Variants in ITGA2 observed in about 807,000 individuals in gnomAD.
ITGA2 encodes the protein integrin subunit alpha 2.
Under a neutral mutation model 146.3 loss-of-function variants are expected in ITGA2, and 101 were observed. That is an observed-to-expected ratio of 0.69 (90% CI 0.59 to 0.81). ITGA2 has a LOEUF of 0.81. Among genes scored for constraint, ITGA2 ranks in the 40% least tolerant of loss-of-function variants. The pLI, the probability that ITGA2 is intolerant of heterozygous loss-of-function variation, is 0.00. For synonymous variants in ITGA2, 477 were observed against 487.1 expected, an observed-to-expected ratio of 0.98 and a Z score of 0.27; for missense variants, 1,281 against 1,402.7, an observed-to-expected ratio of 0.91 and a Z score of 1.39.
chr5:53,042,812 C>A (rs145175409), intron 3 of ITGA2, among the ~76,000 whole-genome samples: 237 of 151,882 alleles, frequency 1.6e-3, no homozygotes, highest in African/African-American at 5.5e-3. Flanking sequence ...AAAAGTCACT[C>A]AATTTGATCA....
At chr5:53,069,155 A>C (rs1745272851) in intron 16 of ITGA2, among the ~76,000 whole-genome samples, 1 of 151,888 alleles carries the variant, frequency 6.6e-6, no homozygotes, top group Non-Finnish European at 1.5e-5. Context: ...GAATAACCCC[A>C]AATAAGGCAA....
Position 53,060,685 on chromosome 5 carries a change from A to G in ITGA2, c.1313-216A>G, listed in dbSNP as rs572257802. Among the ~76,000 whole-genome samples the G allele has an allele frequency of 6.6e-5, 10 of 152,034 alleles. No homozygotes were observed. In the East Asian group the frequency reaches 7.8e-4, roughly 12 times the overall value. ...AATCTAGAGGCAGTTTTATAGGTAGAAGTCCCACCTGCAAAGGGAAGTGCT... is the reference window on the plus strand; with the variant it reads ...AATCTAGAGGCAGTTTTATAGGTAGGAGTCCCACCTGCAAAGGGAAGTGCT... On this transcript the variant is annotated intron_variant, in intron 11 of 29. Coordinates refer to ENST00000296585, the MANE Select transcript of ITGA2 (RefSeq NM_002203.4).
intron 2 of ITGA2, among the ~76,000 whole-genome samples, chr5:53,038,044 C>G (rs1743574090): frequency 6.6e-6 from 1 of 152,056 alleles, no homozygotes; most frequent in African/African-American, 2.4e-5. Context: ...GATGTTATGA[C>G]CCCTCCTGTG....
intron 1 of ITGA2, among the ~76,000 whole-genome samples, chr5:53,017,647 C>A (rs901380402): frequency 2.6e-5 from 4 of 152,204 alleles, no homozygotes; most frequent in African/African-American, 4.8e-5. Context: ...GTGGCAGCAA[C>A]CTGCTGGCGG....
intron 21 of ITGA2, 63 bp from the exon 22 acceptor site, chr5:53,074,998 T>G: frequency 9.3e-7 from 1 of 1,072,980 alleles, no homozygotes; most frequent in Admixed American, 1.8e-5. Context: ...AAACATTTTT[T>G]TTTTCACGTT....
At chr5:53,026,126 T>A (rs971602515) in intron 1 of ITGA2, among the ~76,000 whole-genome samples, 1 of 152,172 alleles carries the variant, frequency 6.6e-6, no homozygotes, top group African/African-American at 2.4e-5. Flanking sequence ...AATCCCTACA[T>A]TTTCATCCTC....
intron 7 of ITGA2, among the ~76,000 whole-genome samples, chr5:53,054,814 A>C (rs1403680008): frequency 6.6e-6 from 1 of 152,136 alleles, no homozygotes; most frequent in East Asian, 1.9e-4. Flanking sequence ...GAGGGATAAA[A>C]GACTACAAAT....
At chr5:53,003,731 G>A (rs1741694349) in intron 1 of ITGA2, among the ~76,000 whole-genome samples, 1 of 152,188 alleles carries the variant, frequency 6.6e-6, no homozygotes, top group Non-Finnish European at 1.5e-5. Flanking sequence ...GATGGGGAGT[G>A]TCAAAAGATT....
At position 53,065,926 on chromosome 5, in the gene ITGA2, A is replaced by T; in HGVS notation, c.1892A>T (p.Asp631Val). The T allele has an allele frequency of 6.2e-7, 1 of 1,612,118 alleles. No homozygotes were observed. The highest frequency in any genetic ancestry group is 8.5e-7 in the Non-Finnish European group (1 of 1,178,754). The change falls in exon 15 of 30, where the codon GAT becomes GTT. Residue 631 changes from aspartate to valine, a missense_variant. By Grantham distance (152) the Asp-to-Val change is radical (BLOSUM62 -3). This residue lies in a region of ITGA2 where 795 missense variants were observed against 841.7 expected (regional missense o/e 0.94). Transcript: ENST00000296585. Reference protein sequence around the residue: ...SLDGYGDLNGDSITDVSIGAF... With the variant: ...SLDGYGDLNGVSITDVSIGAF... ...GATGGCTATGGAGATTTAAATGGGG[A>T]TTCCATCACCGATGTGTCTATTGGT...
chr5:53,057,063 TTAAATAACCATTTAA>T (rs753176913), intron 9 of ITGA2, among the ~76,000 whole-genome samples: 95 of 152,038 alleles, frequency 6.2e-4, no homozygotes, highest in Middle Eastern at 3.4e-3. Context: ...TCAAAGTTGT[TTAAATAACCATTTAA>T]ATCCAGCATA....
intron 3 of ITGA2, among the ~76,000 whole-genome samples, chr5:53,043,178 A>C (rs933356545): frequency 3.9e-5 from 6 of 151,916 alleles, no homozygotes; most frequent in Non-Finnish European, 7.4e-5. Context: ...AGTGATCTCC[A>C]AATTTTTTGA....
At chr5:52,996,818 C>T (rs1741282920) in intron 1 of ITGA2, among the ~76,000 whole-genome samples, 1 of 152,132 alleles carries the variant, frequency 6.6e-6, no homozygotes, top group Non-Finnish European at 1.5e-5. Context: ...GCCTTCAATT[C>T]CCCTTATTTC....
chr5:53,041,016 C>T (rs2111880408), intron 2 of ITGA2, among the ~76,000 whole-genome samples: 1 of 152,128 alleles, frequency 6.6e-6, no homozygotes, highest in South Asian at 2.1e-4. Context: ...TACCGTACCT[C>T]AACATGGGGC....
intron 1 of ITGA2, among the ~76,000 whole-genome samples, chr5:52,991,959 G>A (rs1192927802): frequency 2.0e-5 from 3 of 151,628 alleles, no homozygotes; most frequent in African/African-American, 2.4e-5. Flanking sequence ...AGGCCATCAC[G>A]TATTTTCTCC....
Position 53,058,034 on chromosome 5 carries a change from AAGG to A in ITGA2, c.1112_1114del (p.Gly371del). On this transcript the variant is annotated inframe_deletion, in exon 10 of 30. Transcript: ENST00000296585. ...AAATTGAATGTTCCAGGTACTGTTC[AAGG>A]AGGAGACAACTTTCAGATGGAAATG... 1 of 1,610,600 alleles carries A rather than the reference AAGG, an allele frequency of 6.2e-7. No homozygotes were observed. The highest frequency in any genetic ancestry group is 8.5e-7 in the Non-Finnish European group (1 of 1,177,390).
At chr5:53,041,391 A>G (rs765859135) in intron 2 of ITGA2, among the ~76,000 whole-genome samples, 7 of 152,222 alleles carry the variant, frequency 4.6e-5, no homozygotes, top group Non-Finnish European at 8.8e-5. Context: ...ATAGCTTGTA[A>G]TGTATTTGTT....
intron 1 of ITGA2, among the ~76,000 whole-genome samples, chr5:52,990,908 A>G (rs1470704671): frequency 3.9e-5 from 6 of 152,170 alleles, no homozygotes; most frequent in Non-Finnish European, 7.4e-5. Context: ...CTGGAATACA[A>G]CTAGAGCTAA....
intron 23 of ITGA2, among the ~76,000 whole-genome samples, chr5:53,076,150 G>GT (rs1286514995): frequency 1.3e-5 from 2 of 152,020 alleles, no homozygotes; most frequent in African/African-American, 2.4e-5. Context: ...CTGGGCACAG[G>GT]TGATGCCCTC....
intron 10 of ITGA2, among the ~76,000 whole-genome samples, chr5:53,059,607 G>C (rs1744808174): frequency 2.6e-5 from 4 of 152,028 alleles, no homozygotes; most frequent in African/African-American, 9.6e-5. Context: ...AGATGGCTCT[G>C]TACCTGTCCT....
Sources: gnomAD v4.1 joint callset for allele counts (sites outside exome capture counted in the v4.1 genomes callset) on GRCh38, gnomAD v4.1.1 for gene constraint, gnomAD v4.1.1 regional missense constraint, MANE v1.5 for transcripts, NCBI Gene and HGNC (gene_info 2026-07-23, HGNC 2026-07-21) for gene names.